The following GOSR2 variants were observed in gnomAD, a reference collection of about 807,000 sequenced individuals.
GOSR2 encodes 27 kDa Golgi SNARE protein.
GOSR2 carries 20 observed loss-of-function variants against 27.9 expected under a neutral mutation model. That is an observed-to-expected ratio of 0.72 (90% CI 0.50 to 1.04). The LOEUF is 1.04. Ranked by LOEUF, GOSR2 falls within the 50% of genes least tolerant of loss-of-function variation. The pLI is 0.00. For missense variants in GOSR2, 261 were observed against 270.5 expected (o/e 0.97, Z 0.25); for synonymous variants, 91 against 98.8 (o/e 0.92, Z 0.47).
chr17:46,962,227 G>T lies in GOSR2; in HGVS notation c.584-4307G>T, dbSNP rs530362281. On this transcript the variant is annotated intron_variant, in intron 6 of 6. Transcript: ENST00000573224. ...GCCTGTAATCCTAGCTACTCAGGAGGCTGAGGCAGGAGAATAATTTGAACC... is the reference window on the plus strand; with the variant it reads ...GCCTGTAATCCTAGCTACTCAGGAGTCTGAGGCAGGAGAATAATTTGAACC... Among the ~76,000 whole-genome samples, 162 of 152,094 alleles carry T rather than the reference G, an allele frequency of 1.1e-3. 1 individual carries two copies. The highest frequency in any genetic ancestry group is 1.7e-3 in the Non-Finnish European group (113 of 68,000).
intron 1 of GOSR2, among the ~76,000 whole-genome samples, chr17:46,924,974 T>G (rs531876324): frequency 6.6e-6 from 1 of 152,136 alleles, no homozygotes; most frequent in Non-Finnish European, 1.5e-5. Flanking sequence ...ATTTAGAGAG[T>G]CTTAGACTAC....
intron 4 of GOSR2, 63 bp downstream of exon 4, chr17:46,932,262 A>T (rs1239844214): frequency 6.3e-7 from 1 of 1,592,936 alleles, no homozygotes. Context: ...TGGAGTTCAG[A>T]TCTCTGAGCG....
chr17:46,923,430 G>A, intron 1 of GOSR2: 1 of 1,433,924 alleles, frequency 7.0e-7, no homozygotes, highest in Non-Finnish European at 9.1e-7. Flanking sequence ...CTGGAGACGT[G>A]GGGCAGATGA....
intron 6 of GOSR2, among the ~76,000 whole-genome samples, chr17:46,966,158 A>G (rs1181755364): frequency 6.6e-6 from 1 of 152,242 alleles, no homozygotes; most frequent in Non-Finnish European, 1.5e-5. Flanking sequence ...TTGAGGGATC[A>G]CCACAGAGTA....
At chr17:46,970,717 T>A (rs966690756), downstream of GOSR2, among the ~76,000 whole-genome samples, 2 of 152,154 alleles carry the variant, frequency 1.3e-5, no homozygotes, top group Admixed American at 6.5e-5. Flanking sequence ...GAAACAGCAT[T>A]ATGCCCCATA....
At chr17:46,951,539 C>T (rs1454532877) in intron 6 of GOSR2, among the ~76,000 whole-genome samples, 1 of 152,146 alleles carries the variant, frequency 6.6e-6, no homozygotes, top group Non-Finnish European at 1.5e-5. Context: ...TTGAAAACGA[C>T]CATATAATCA....
chr17:46,932,489 T>A (rs991458842), intron 4 of GOSR2: 3 of 593,952 alleles, frequency 5.1e-6, no homozygotes, highest in Non-Finnish European at 6.0e-6. Context: ...GAAGTTCACA[T>A]GGTGGAAACG....
At chr17:46,957,213 G>C (rs2090774376) in intron 6 of GOSR2, among the ~76,000 whole-genome samples, 1 of 152,206 alleles carries the variant, frequency 6.6e-6, no homozygotes, top group Non-Finnish European at 1.5e-5. Flanking sequence ...GCTGAGGTGG[G>C]AGGACTGCTT....
Position 46,939,127 on chromosome 17 carries a change from A to G in GOSR2, c.*367A>G, listed in dbSNP as rs2088897295. 8.7e-7 allele frequency: 1 copy of G among 1,149,848 alleles called. No homozygotes were observed. The allele number at this position is 1,149,848 out of a possible 1,614,324, so 71.2% of individuals were successfully genotyped here. A position where few individuals can be genotyped will look rare whatever the true frequency, so the allele number is the denominator to read the frequency against. On this transcript the variant is annotated 3_prime_UTR_variant, in exon 6 of 6. Coordinates refer to ENST00000640051, the MANE Select transcript of GOSR2 (RefSeq NM_004287.5). The stretch of plus-strand genomic sequence containing the variant: ...GTGTGCAGGACTGTCCACACGGTTC[A>G]CACCTTGTCACCATCAGGCCTTTCT...
chr17:46,954,473 G>T (rs1168766366), intron 6 of GOSR2, among the ~76,000 whole-genome samples: 1 of 152,192 alleles, frequency 6.6e-6, no homozygotes, highest in Admixed American at 6.5e-5. Flanking sequence ...GCAGTGTGAT[G>T]CCTCCAGCTT....
At position 46,941,683 on chromosome 17, in the gene GOSR2, C is replaced by CATA; in HGVS notation, c.*2924_*2926dup. The stretch of plus-strand genomic sequence containing the variant: ...CTGCCTCCTGGGTTCAGGTGATCCT[C>CATA]ATACCTCAGCCTCCTGAGTAGCTGG... On this transcript the variant is annotated 3_prime_UTR_variant, in exon 6 of 6. Coordinates refer to ENST00000640051, the MANE Select transcript of GOSR2 (RefSeq NM_004287.5). 6.3e-6 allele frequency: 1 copy of CATA among 159,414 alleles called. No homozygotes were observed. The highest frequency in any genetic ancestry group is 2.0e-4 in the South Asian group (1 of 4,934). 9.9% of individuals were successfully genotyped at this position (159,414 alleles called of 1,614,324 possible). A position where few individuals can be genotyped will look rare whatever the true frequency, so the allele number is the denominator to read the frequency against.
intron 6 of GOSR2, chr17:46,975,139 G>T (rs1383303043): frequency 1.3e-5 from 2 of 152,046 alleles, no homozygotes; most frequent in Non-Finnish European, 1.5e-5. Flanking sequence ...CATTGTGCCG[G>T]CTTCTTCAAA....
chr17:46,950,784 G>C (rs970725849), intron 6 of GOSR2, among the ~76,000 whole-genome samples: 11 of 152,172 alleles, frequency 7.2e-5, no homozygotes, highest in African/African-American at 2.7e-4. Flanking sequence ...TGGGGCTGAT[G>C]AGATCAAAAC....
chr17:46,929,570 A>G lies in GOSR2; in HGVS notation c.80A>G (p.Lys27Arg), dbSNP rs373000501. The G allele has an allele frequency of 8.5e-6, 13 of 1,529,206 alleles. No individual in the cohort carries two copies. The African/African-American group carries it at 1.2e-4, about 14-fold the overall frequency. The allele number at this position is 1,529,206 out of a possible 1,614,324, so 94.7% of individuals were successfully genotyped here. A position where few individuals can be genotyped will look rare whatever the true frequency, so the allele number is the denominator to read the frequency against. The change falls in exon 2 of 6, where the codon AAG (lysine) becomes AGG (arginine). Residue 27 changes from lysine (K) to arginine (R), a missense_variant. Transcript: ENST00000640051. ...SCMGRLETADKQSVHIVENEI... is the reference protein window; with the variant it reads ...SCMGRLETADRQSVHIVENEI... ...ATGGGACGCCTGGAGACGGCAGACA[A>G]GCAGTCTGTGCACAGTGAGTAATTA...
At chr17:46,927,871 G>C (rs533804124) in intron 1 of GOSR2, among the ~76,000 whole-genome samples, 1 of 151,686 alleles carries the variant, frequency 6.6e-6, no homozygotes, top group Non-Finnish European at 1.5e-5. Context: ...GTCACTGTTC[G>C]TGTTGATCAT....
chr17:46,960,924 C>CT (rs1310394862), intron 6 of GOSR2, among the ~76,000 whole-genome samples: 2 of 152,004 alleles, frequency 1.3e-5, no homozygotes, highest in Non-Finnish European at 2.9e-5. Context: ...TGACACAACT[C>CT]TAAGTATTTG....
At chr17:46,923,743 C>A in intron 1 of GOSR2, 1 of 437,662 alleles carries the variant, frequency 2.3e-6, no homozygotes, top group Admixed American at 4.3e-5. Context: ...ACTTGTTAAT[C>A]GTATCTGGTT....
chr17:46,941,385 C>T lies in GOSR2; in HGVS notation c.*2625C>T, dbSNP rs528859500. On this transcript the variant is annotated 3_prime_UTR_variant, in exon 6 of 6. Transcript: ENST00000640051. The stretch of plus-strand genomic sequence containing the variant: ...GAAAATCACATTTTGTAAAAGAATT[C>T]GATATTCATTTTTATAACTAATGGC... 5.3e-4 allele frequency: 517 copies of T among 980,748 alleles called. 1 individual carries two copies. The highest frequency in any genetic ancestry group is 1.1e-3 in the East Asian group (10 of 8,796). 60.8% of individuals were successfully genotyped at this position (980,748 alleles called of 1,614,324 possible).
chr17:46,946,509 A>G (rs571540802), downstream of GOSR2, among the ~76,000 whole-genome samples: 208 of 76,018 alleles, frequency 2.7e-3, 1 homozygote, highest in Middle Eastern at 0.014. Flanking sequence ...CCCTTTGTGG[A>G]AAAAAAAAAA....
Sources: allele counts gnomAD v4.1 joint callset (sites outside exome capture counted in the v4.1 genomes callset), GRCh38; gene constraint gnomAD v4.1.1; transcripts MANE v1.5; gene names NCBI Gene and HGNC (gene_info 2026-07-23, HGNC 2026-07-21).